Variants in NDUFAF5 observed in about 807,000 individuals in gnomAD.
NDUFAF5 encodes NADH:ubiquinone oxidoreductase complex assembly factor 5, also known as arginine-hydroxylase NDUFAF5, mitochondrial.
A neutral mutation model predicts 48.9 loss-of-function variants in NDUFAF5; 34 were observed. The ratio of observed to expected loss-of-function variants is 0.70; its 90% CI spans 0.53 to 0.93. NDUFAF5 has a LOEUF of 0.93. Among genes scored for constraint, NDUFAF5 ranks in the 40% least tolerant of loss-of-function variants. NDUFAF5 has a pLI of 0.00. For synonymous variants in NDUFAF5, 153 were observed against 150.6 expected, an observed-to-expected ratio of 1.02 and a Z score of -0.12; for missense variants, 428 against 427.5, an observed-to-expected ratio of 1.00 and a Z score of -0.01.
chr20:13,789,479 CTTTTTTTTT>C (rs751983106), intron 3 of NDUFAF5, among the ~76,000 whole-genome samples: 1 of 126,154 alleles, frequency 7.9e-6, no homozygotes, highest in Non-Finnish European at 1.7e-5. Flanking sequence ...AGTGGAATTT[CTTTTTTTTT>C]TTTTTGAGAC....
At chr20:13,809,820 A>G (rs920767907) in intron 8 of NDUFAF5, among the ~76,000 whole-genome samples, 1 of 152,192 alleles carries the variant, frequency 6.6e-6, no homozygotes. Flanking sequence ...CATCCCAGAG[A>G]TGTTTAGGAG....
rs556262702 is a variant in NDUFAF5, at chr20:13,792,870, G to C, written c.328-310G>C. Among the ~76,000 whole-genome samples the C allele has an allele frequency of 5.3e-5, 8 of 152,192 alleles. No homozygotes were observed. In the South Asian group the frequency reaches 8.3e-4, roughly 16 times the overall value. ...GCGGGAAACTCATAGCAGGTCCTTT[G>C]TGACACAGGAGTGGGGAAATAGCTC... On this transcript the variant is annotated intron_variant, in intron 3 of 10. Coordinates refer to ENST00000378106, the MANE Select transcript of NDUFAF5 (RefSeq NM_024120.5).
In NDUFAF5 at chr20:13,818,822, G is replaced by A. The variant is rs1411666983; in HGVS notation, c.*1612G>A. On this transcript the variant is annotated 3_prime_UTR_variant, in exon 11 of 11. Coordinates refer to ENST00000378106, the MANE Select transcript of NDUFAF5 (RefSeq NM_024120.5). ...GAGGAAGGGGACTGAGGAACTGGGT[G>A]TGTCTGTGTCATTCTGTTTGAATGT... 6.5e-6 allele frequency: 1 copy of A among 153,704 alleles called. No homozygotes were observed. Among genetic ancestry groups the A allele is most frequent in the African/African-American group, 2.4e-5 (1 of 41,432 alleles). 9.5% of individuals were successfully genotyped at this position (153,704 alleles called of 1,614,324 possible). A position where few individuals can be genotyped will look rare whatever the true frequency, so the allele number is the denominator to read the frequency against.
intron 3 of NDUFAF5, among the ~76,000 whole-genome samples, chr20:13,789,633 G>A (rs369468412): frequency 2.0e-5 from 3 of 151,916 alleles, no homozygotes; most frequent in Non-Finnish European, 4.4e-5. Flanking sequence ...CCGCCACCAC[G>A]CCTGGCTAAT....
Position 13,817,173 on chromosome 20 carries a change from T to A in NDUFAF5, c.1001T>A (p.Ile334Lys). 1 of 1,613,922 alleles carries A rather than the reference T, an allele frequency of 6.2e-7. No homozygotes were observed. Among genetic ancestry groups the A allele is most frequent in the Non-Finnish European group, 8.5e-7 (1 of 1,179,900 alleles). Residue 334 changes from isoleucine (I) to lysine (K), a missense_variant, in exon 11 of 11, where the codon ATA (isoleucine) becomes AAA (lysine). Transcript: ENST00000378106. ...ATVSFGELGK[I>K]NNLMPPGKKS... ...GTGTCATTTGGAGAGCTAGGAAAAA[T>A]AAACAACCTTATGCCACCGGGGAAA...
chr20:13,790,296 TC>T (rs1429304781), intron 3 of NDUFAF5, among the ~76,000 whole-genome samples: 1 of 151,574 alleles, frequency 6.6e-6, no homozygotes, highest in Non-Finnish European at 1.5e-5. Context: ...TGATGACTGA[TC>T]AGATATGGTA....
chr20:13,806,368 C>T (rs946232333), intron 7 of NDUFAF5, among the ~76,000 whole-genome samples: 7 of 152,032 alleles, frequency 4.6e-5, no homozygotes, highest in African/African-American at 1.7e-4. Context: ...ATTAGCTGGG[C>T]GTGGTGGCAC....
intron 8 of NDUFAF5, among the ~76,000 whole-genome samples, chr20:13,812,258 C>T (rs894991594): frequency 1.3e-5 from 2 of 152,130 alleles, no homozygotes; most frequent in East Asian, 1.9e-4. Context: ...GAAATCTTAC[C>T]ATTGTCATCA....
intron 1 of NDUFAF5, chr20:13,787,066 T>TGC (rs1981299213): frequency 2.6e-6 from 1 of 381,312 alleles, no homozygotes; most frequent in Non-Finnish European, 4.8e-6. Context: ...CATATATATA[T>TGC]GTGTGTGTGT....
At chr20:13,789,881 A>G (rs1473474292) in intron 3 of NDUFAF5, among the ~76,000 whole-genome samples, 6 of 152,244 alleles carry the variant, frequency 3.9e-5, no homozygotes, top group African/African-American at 1.4e-4. Context: ...TATTGGTAAT[A>G]GTAAATGCCA....
At chr20:13,806,393 C>T (rs1985009364) in intron 7 of NDUFAF5, among the ~76,000 whole-genome samples, 1 of 152,284 alleles carries the variant, frequency 6.6e-6, no homozygotes, top group Non-Finnish European at 1.5e-5. Flanking sequence ...CCTGTAGTCC[C>T]AGCTACTTGG....
chr20:13,807,900 G>GATCAC (rs1440991099), intron 7 of NDUFAF5, among the ~76,000 whole-genome samples: 3 of 151,380 alleles, frequency 2.0e-5, no homozygotes, highest in Non-Finnish European at 4.4e-5. Context: ...AACGAGCAGA[G>GATCAC]ATCACACCAC....
intron 3 of NDUFAF5, 73 bp downstream of exon 3, chr20:13,788,725 C>A: frequency 1.0e-6 from 1 of 977,980 alleles, no homozygotes; most frequent in African/African-American, 1.6e-5. Flanking sequence ...CTTTCCTAAT[C>A]AGTTTAGCTT....
Position 13,797,257 on chromosome 20 carries a change from G to A in NDUFAF5, c.480-1204G>A, listed in dbSNP as rs139047656. ...CATGCTCCTTGGTGTTTACCCAAAG[G>A]AGATGAAAACTTACGTCCACGCAAA... On this transcript the variant is annotated intron_variant, in intron 5 of 10. Transcript: ENST00000378106. Among the ~76,000 whole-genome samples, 148 of 152,326 alleles carry A rather than the reference G, an allele frequency of 9.7e-4. 1 individual carries two copies. Among genetic ancestry groups the A allele is most frequent in the African/African-American group, 3.1e-3 (130 of 41,572 alleles).
chr20:13,787,441 C>T (rs1981380879), intron 2 of NDUFAF5, 89 bp downstream of exon 2: 4 of 1,226,658 alleles, frequency 3.3e-6, no homozygotes, highest in Non-Finnish European at 3.6e-6. Flanking sequence ...TCTGAAATGG[C>T]AGAACCTGGA....
intron 7 of NDUFAF5, among the ~76,000 whole-genome samples, chr20:13,806,027 T>G (rs939021756): frequency 2.0e-5 from 3 of 152,240 alleles, no homozygotes; most frequent in African/African-American, 7.2e-5. Flanking sequence ...GTTGCATACA[T>G]TAGATATATT....
intron 7 of NDUFAF5, among the ~76,000 whole-genome samples, chr20:13,802,148 A>G (rs942037322): frequency 2.0e-5 from 3 of 152,170 alleles, no homozygotes; most frequent in Non-Finnish European, 4.4e-5. Flanking sequence ...GATCAAGGCT[A>G]AAGAAGGTAG....
chr20:13,788,737 C>A, intron 3 of NDUFAF5, 85 bp downstream of exon 3: 1 of 853,852 alleles, frequency 1.2e-6, no homozygotes, highest in Non-Finnish European at 1.9e-6. Context: ...GTTTAGCTTG[C>A]AACATATTTA....
chr20:13,810,191 T>C (rs1304799313), intron 8 of NDUFAF5, among the ~76,000 whole-genome samples: 1 of 152,148 alleles, frequency 6.6e-6, no homozygotes, highest in Non-Finnish European at 1.5e-5. Flanking sequence ...CAAAGTGGCT[T>C]GGTACTGAGG....
Sources: gnomAD v4.1 joint callset for allele counts (sites outside exome capture counted in the v4.1 genomes callset) on GRCh38, gnomAD v4.1.1 for gene constraint, MANE v1.5 for transcripts, NCBI Gene and HGNC (gene_info 2026-07-23, HGNC 2026-07-21) for gene names.